The following ULBP1 variants were observed in gnomAD, a reference collection of about 807,000 sequenced individuals.
ULBP1 encodes the protein UL16 binding protein 1, also known as UL16-binding protein 1.
In ULBP1, 28 loss-of-function variants were observed where a neutral mutation model predicts 25.3. That is an observed-to-expected ratio of 1.10 (90% CI 0.82 to 1.51). ULBP1 has a LOEUF of 1.51. Among genes scored for constraint, ULBP1 ranks in the 40% most tolerant of loss-of-function variants. The pLI, the probability that ULBP1 is intolerant of heterozygous loss-of-function variation, is 0.00. For synonymous variants in ULBP1, 129 were observed against 103.0 expected (o/e 1.25, Z -1.53); for missense variants, 348 against 290.9 (o/e 1.20, Z -1.43).
chr6:149,964,320 C>G lies in ULBP1; in HGVS notation c.85+186C>G, dbSNP rs114923158. ...GGTCTCCCCGAACATCGCGGTGCCC[C>G]CGAACATCGCTGTCTCCCCGAACAT... is the stretch of plus-strand genomic sequence containing the variant. On this transcript the variant is annotated intron_variant, in intron 1 of 4. Transcript: ENST00000229708. Among the ~76,000 whole-genome samples the G allele has an allele frequency of 8.6e-3, 1,298 of 151,794 alleles. 17 individuals carry two copies. The highest frequency in any genetic ancestry group is 0.03 in the African/African-American group (1,229 of 41,364).
At chr6:149,965,766 TC>T (rs1258200865) in intron 1 of ULBP1, among the ~76,000 whole-genome samples, 2 of 151,694 alleles carry the variant, frequency 1.3e-5, no homozygotes. Flanking sequence ...TTGCTACCCT[TC>T]CCCTCACCAT....
chr6:149,964,884 GGTACCCCCGAACATCGCC>G (rs1779172932), intron 1 of ULBP1, among the ~76,000 whole-genome samples: 2 of 118,218 alleles, frequency 1.7e-5, no homozygotes, highest in Non-Finnish European at 1.7e-5. Context: ...CGAACATCGC[GGTACCCCCGAACATCGCC>G]GTCTCCCCGT....
chr6:149,964,106 G>T lies in ULBP1; in HGVS notation c.57G>T (p.Leu19=). 2 of 1,614,228 alleles carry T rather than the reference G, an allele frequency of 1.2e-6. No homozygotes were observed. The highest frequency in any genetic ancestry group is 1.7e-6 in the Non-Finnish European group (2 of 1,180,034). ...TGTGCCTCCCGCTTCTGCACCTGCTGTCTGGCTGGTCCCGGGCAGGATGGG... is the reference window on the plus strand; with the variant it reads ...TGTGCCTCCCGCTTCTGCACCTGCTTTCTGGCTGGTCCCGGGCAGGATGGG... The part of the protein sequence containing the change: ...FLLCLPLLHL[L]SGWSRAGWVD... The change falls in exon 1 of 5, where the codon CTG becomes CTT. Residue 19 remains leucine, a synonymous_variant. Coordinates refer to ENST00000229708, the MANE Select transcript of ULBP1 (RefSeq NM_025218.4).
Position 149,972,173 on chromosome 6 carries a change from TTAGTAAATAAAATAATA to T in ULBP1, c.*828_*844del, listed in dbSNP as rs1779329284. 1 of 152,042 alleles carries T rather than the reference TTAGTAAATAAAATAATA, an allele frequency of 6.6e-6. No individual in the cohort carries two copies. Among genetic ancestry groups the T allele is most frequent in the Non-Finnish European group, 1.5e-5 (1 of 67,990 alleles). The allele number at this position is 152,042 out of a possible 1,614,324, so 9.4% of individuals were successfully genotyped here. A position where few individuals can be genotyped will look rare whatever the true frequency, so the allele number is the denominator to read the frequency against. Reference sequence around the variant, plus strand: ...AATATTACATTCATGATTATTTTATTTAGTAAATAAAATAATAGAGAGCCCAGAAATCAACCTGCACA... The same window carrying T: ...AATATTACATTCATGATTATTTTATTGAGAGCCCAGAAATCAACCTGCACA... On this transcript the variant is annotated 3_prime_UTR_variant, in exon 5 of 5. Transcript: ENST00000229708.
chr6:149,968,609 A>T lies in ULBP1; in HGVS notation c.88A>T (p.Thr30Ser). ...SGWSRAGWVDTHCLCYDFIIT... is the reference protein window; with the variant it reads ...SGWSRAGWVDSHCLCYDFIIT... ...CCTCCTGTGTTTTTCTTCCACAGAC[A>T]CACACTGTCTTTGCTATGACTTCAT... is the stretch of plus-strand genomic sequence containing the variant. Residue 30 changes from threonine (T) to serine (S), a missense_variant and splice_region_variant, in exon 2 of 5, where the codon ACA becomes TCA. Physicochemically the swap from Thr to Ser is moderately conservative, Grantham distance 58. Transcript: ENST00000229708. The T allele has an allele frequency of 1.2e-6, 2 of 1,602,640 alleles. No homozygotes were observed. The highest frequency in any genetic ancestry group is 1.7e-6 in the Non-Finnish European group (2 of 1,171,248).
intron 1 of ULBP1, among the ~76,000 whole-genome samples, chr6:149,966,107 A>C (rs55908620): frequency 0.052 from 7,908 of 151,976 alleles, 577 homozygotes; most frequent in African/African-American, 0.16. Context: ...ATAGTCACTA[A>C]GCAGACAGGA....
At chr6:149,968,998 A>G in intron 2 of ULBP1, 87 bp from the exon 3 acceptor site, 1 of 1,563,620 alleles carries the variant, frequency 6.4e-7, no homozygotes, top group East Asian at 2.2e-5. Context: ...GATGCAGCAG[A>G]GAGAGCAAGT....
chr6:149,971,390 C>T lies in ULBP1; in HGVS notation c.*44C>T. The T allele has an allele frequency of 4.1e-6, 4 of 985,366 alleles. No individual in the cohort carries two copies. The highest frequency in any genetic ancestry group is 3.6e-6 in the Non-Finnish European group (3 of 829,928). The allele number at this position is 985,366 out of a possible 1,614,324, so 61.0% of individuals were successfully genotyped here. On this transcript the variant is annotated 3_prime_UTR_variant, in exon 5 of 5. Coordinates refer to ENST00000229708, the MANE Select transcript of ULBP1 (RefSeq NM_025218.4). ...CAAGGTGGAAAGTGATATCAAGAAG[C>T]CTCTGTTAGCCTGGTCTGGGTCCTG...
In ULBP1 at chr6:149,971,769, T is replaced by C. The variant is rs181191080; in HGVS notation, c.*423T>C. The C allele has an allele frequency of 6.6e-6, 1 of 152,364 alleles. No individual in the cohort carries two copies. The highest frequency in any genetic ancestry group is 2.4e-5 in the African/African-American group (1 of 41,590). The allele number at this position is 152,364 out of a possible 1,614,324, so 9.4% of individuals were successfully genotyped here. The stretch of plus-strand genomic sequence containing the variant: ...TCGCTAGTAAAATAGCATGCTGGAC[T>C]TCAGACCTCAGGGATCCTTTTGATG... On this transcript the variant is annotated 3_prime_UTR_variant, in exon 5 of 5. Coordinates refer to ENST00000229708, the MANE Select transcript of ULBP1 (RefSeq NM_025218.4).
intron 3 of ULBP1, 143 bp downstream of exon 3, chr6:149,969,503 T>C: frequency 8.7e-7 from 1 of 1,150,454 alleles, no homozygotes; most frequent in South Asian, 1.5e-5. Context: ...GGTCCTGGCA[T>C]GCCTGTGCTC....
chr6:149,969,629 A>G lies in ULBP1; in HGVS notation c.625+269A>G, dbSNP rs545234661. ...TCTGTGGGTGTCATAGTGTTTCCAC[A>G]TCTTTTTCATTAGTGTTCCTTCCTC... On this transcript the variant is annotated intron_variant, in intron 3 of 4. Coordinates refer to ENST00000229708, the MANE Select transcript of ULBP1 (RefSeq NM_025218.4). Among the ~76,000 whole-genome samples, 24 of 152,258 alleles carry G rather than the reference A, an allele frequency of 1.6e-4. 1 individual carries two copies. The East Asian group carries it at 4.3e-3, about 27-fold the overall frequency.
chr6:149,972,272 G>A lies in ULBP1; in HGVS notation c.*926G>A, dbSNP rs1159608803. On this transcript the variant is annotated 3_prime_UTR_variant, in exon 5 of 5. Transcript: ENST00000229708. ...GCAATGTGGGAAAGACTCCCTATTC[G>A]AAAATTAGTGCTGGAATATCTGGCC... The A allele has an allele frequency of 3.3e-5, 5 of 152,024 alleles. No homozygotes were observed. Among genetic ancestry groups the A allele is most frequent in the East Asian group, 1.9e-4 (1 of 5,202 alleles). 9.4% of individuals were successfully genotyped at this position (152,024 alleles called of 1,614,324 possible). A position where few individuals can be genotyped will look rare whatever the true frequency, so the allele number is the denominator to read the frequency against.
At chr6:149,965,279 TCCCCCAGAACATCGCG>T (rs1779185472) in intron 1 of ULBP1, among the ~76,000 whole-genome samples, 1 of 121,498 alleles carries the variant, frequency 8.2e-6, no homozygotes, top group Non-Finnish European at 1.7e-5. Flanking sequence ...AACATCGCGA[TCCCCCAGAACATCGCG>T]GTCTCCCCGA....
At position 149,969,267 on chromosome 6, in the gene ULBP1, G is replaced by A. The variant is rs1221078299; in HGVS notation, c.532G>A (p.Val178Met). The A allele has an allele frequency of 1.6e-5, 26 of 1,614,138 alleles. No individual in the cohort carries two copies. The highest frequency in any genetic ancestry group is 5.0e-5 in the Admixed American group (3 of 60,016). Residue 178 changes from valine (V) to methionine (M), a missense_variant, in exon 3 of 5, where the codon GTG becomes ATG. Coordinates refer to ENST00000229708, the MANE Select transcript of ULBP1 (RefSeq NM_025218.4). ...AGAGAAGTGGGAGAAGAACAGGGATGTGACCATGTTCTTCCAGAAGATTTC... is the reference window on the plus strand; with the variant it reads ...AGAGAAGTGGGAGAAGAACAGGGATATGACCATGTTCTTCCAGAAGATTTC... ...MTEKWEKNRDVTMFFQKISLG... is the reference protein window; with the variant it reads ...MTEKWEKNRDMTMFFQKISLG...
At chr6:149,968,458 A>G in intron 1 of ULBP1, 149 bp from the exon 2 acceptor site, 1 of 1,055,454 alleles carries the variant, frequency 9.5e-7, no homozygotes, top group Non-Finnish European at 1.4e-6. Flanking sequence ...GTCATTAACT[A>G]GTTTTCATGA....
rs1369649551 is a variant in ULBP1 at position 149,973,163 on chromosome 6, T to G, written c.*1817T>G. ...TATGCAGCCATGAAACACAAGAAAA[T>G]CATGTCCTTTTCAGCAACATGGATG... On this transcript the variant is annotated 3_prime_UTR_variant, in exon 5 of 5. Coordinates refer to ENST00000229708, the MANE Select transcript of ULBP1 (RefSeq NM_025218.4). The G allele has an allele frequency of 6.6e-6, 1 of 152,048 alleles. No homozygotes were observed. The highest frequency in any genetic ancestry group is 6.6e-5 in the Admixed American group (1 of 15,258). 9.4% of individuals were successfully genotyped at this position (152,048 alleles called of 1,614,324 possible). A position where few individuals can be genotyped will look rare whatever the true frequency, so the allele number is the denominator to read the frequency against.
chr6:149,969,216 C>A lies in ULBP1; in HGVS notation c.481C>A (p.Leu161Ile), dbSNP rs774906188. Residue 161 changes from leucine to isoleucine, a missense_variant, in exon 3 of 5, where the codon CTT (leucine) becomes ATT (isoleucine). Coordinates refer to ENST00000229708, the MANE Select transcript of ULBP1 (RefSeq NM_025218.4). ...FDSNNRKWTA[L>I]HPGAKKMTEK... ...CTCAAACAACAGAAAGTGGACAGCA[C>A]TTCATCCTGGAGCCAAGAAGATGAC... The A allele has an allele frequency of 6.2e-7, 1 of 1,614,248 alleles. No individual in the cohort carries two copies. Among genetic ancestry groups the A allele is most frequent in the Non-Finnish European group, 8.5e-7 (1 of 1,180,060 alleles).
chr6:149,970,041 A>C lies in ULBP1; in HGVS notation c.651A>C (p.Thr217=), dbSNP rs750866526. 7.4e-6 allele frequency: 12 copies of C among 1,613,380 alleles called. No individual in the cohort carries two copies. In the South Asian group the frequency reaches 1.3e-4, roughly 18 times the overall value. The stretch of plus-strand genomic sequence containing the variant: ...AACCACCCTCTCTGGCCCCAGGCAC[A>C]ACCCAACCCAAGGCCATGGCCACCA... ...PTKPPSLAPG[T]TQPKAMATTL... The change falls in exon 4 of 5, where the codon ACA becomes ACC. Residue 217 remains threonine (T), a synonymous_variant. Transcript: ENST00000229708.
At chr6:149,966,592 G>C (rs1440296945) in intron 1 of ULBP1, among the ~76,000 whole-genome samples, 1 of 152,156 alleles carries the variant, frequency 6.6e-6, no homozygotes, top group Non-Finnish European at 1.5e-5. Flanking sequence ...AACTGCTTGT[G>C]CAGCTTCTTG....
Sources: allele counts gnomAD v4.1 joint callset (sites outside exome capture counted in the v4.1 genomes callset), GRCh38; gene constraint gnomAD v4.1.1; transcripts MANE v1.5; gene names NCBI Gene and HGNC (gene_info 2026-07-23, HGNC 2026-07-21).